MICU1: variants seen among roughly 807,000 people sequenced by gnomAD.
The protein encoded by MICU1 is calcium uptake protein 1, mitochondrial.
In MICU1, 45 loss-of-function variants were observed where a neutral mutation model predicts 56.8. That is an observed-to-expected ratio of 0.79 (90% CI 0.62 to 1.02). The LOEUF (loss-of-function observed/expected upper bound fraction) is 1.02. Among genes scored for constraint, MICU1 ranks in the 50% least tolerant of loss-of-function variants. MICU1 has a pLI of 0.00. For synonymous variants in MICU1, 186 were observed against 195.1 expected (o/e 0.95, Z 0.39); for missense variants, 504 against 587.1 (o/e 0.86, Z 1.46).
At chr10:72,519,496 T>C (rs7342140) in intron 5 of MICU1, among the ~76,000 whole-genome samples, 104,919 of 152,120 alleles carry the variant, frequency 0.69, 37,607 homozygotes, top group African/African-American at 0.84. Context: ...TGTGTAACTG[T>C]TACACTTCAC....
chr10:72,381,519 C>G (rs1038822242), intron 10 of MICU1, among the ~76,000 whole-genome samples: 1 of 152,144 alleles, frequency 6.6e-6, no homozygotes, highest in South Asian at 2.1e-4. Flanking sequence ...TTTAGGAGAA[C>G]TAGCAATTTA....
At chr10:72,548,360 G>T (rs778948799) in intron 4 of MICU1, among the ~76,000 whole-genome samples, 2 of 152,196 alleles carry the variant, frequency 1.3e-5, no homozygotes, top group African/African-American at 4.8e-5. Flanking sequence ...CAAACCAACT[G>T]TAACAGTTAT....
At chr10:72,467,840 C>T (rs1171068583) in intron 8 of MICU1, 1 of 143,630 alleles carries the variant, frequency 7.0e-6, no homozygotes, top group Non-Finnish European at 1.5e-5. Flanking sequence ...TTTTTTGAGA[C>T]AGAGTTTCGC....
intron 6 of MICU1, among the ~76,000 whole-genome samples, chr10:72,506,264 G>C (rs763580486): frequency 6.6e-6 from 1 of 152,158 alleles, no homozygotes; most frequent in Non-Finnish European, 1.5e-5. Context: ...GATGTACCAG[G>C]TACTCTGAAG....
In MICU1 at chr10:72,476,473, A is replaced by C. The variant is rs529323424; in HGVS notation, c.735+701T>G. Among the ~76,000 whole-genome samples the C allele has an allele frequency of 6.6e-5, 10 of 152,054 alleles. No individual in the cohort carries two copies. In the South Asian group the frequency reaches 1.9e-3, roughly 28 times the overall value. ...CAAACTAGCCTCAAGTGGTCCCCCA[A>C]CCGCCTCTGCCTCCCAAAGTGCTGG... On this transcript the variant is annotated intron_variant, in intron 7 of 11. Transcript: ENST00000361114.
chr10:72,401,631 G>A (rs1263954906), intron 10 of MICU1, among the ~76,000 whole-genome samples: 1 of 152,202 alleles, frequency 6.6e-6, no homozygotes, highest in African/African-American at 2.4e-5. Flanking sequence ...TACAGCCTGG[G>A]CAACAGAGTG....
intron 4 of MICU1, among the ~76,000 whole-genome samples, chr10:72,539,184 T>C (rs1839708160): frequency 6.6e-6 from 1 of 152,134 alleles, no homozygotes; most frequent in African/African-American, 2.4e-5. Context: ...GCAGATCATC[T>C]AGATAGAAAA....
At chr10:72,532,100 G>C (rs942408217) in intron 5 of MICU1, among the ~76,000 whole-genome samples, 5 of 151,850 alleles carry the variant, frequency 3.3e-5, no homozygotes, top group African/African-American at 1.2e-4. Context: ...GGCAGATCAC[G>C]AGGTCAGGAG....
intron 8 of MICU1, among the ~76,000 whole-genome samples, chr10:72,431,086 ATCTG>A (rs1236344733): frequency 0.017 from 2,265 of 136,842 alleles, 61 homozygotes; most frequent in African/African-American, 0.056. Context: ...ATATACCTTT[ATCTG>A]TCTGTCTATC....
chr10:72,369,332 G>GGA (rs929851932), intron 11 of MICU1, among the ~76,000 whole-genome samples: 2 of 151,614 alleles, frequency 1.3e-5, no homozygotes, highest in Admixed American at 1.3e-4. Flanking sequence ...GAGGTGGGCA[G>GGA]GAGACAGGTC....
intron 10 of MICU1, among the ~76,000 whole-genome samples, chr10:72,396,818 C>T (rs1381214498): frequency 6.6e-6 from 1 of 152,120 alleles, no homozygotes; most frequent in African/African-American, 2.4e-5. Flanking sequence ...ATTGATGTAC[C>T]TGAAAGTGAT....
chr10:72,420,410 C>T (rs192622857), intron 9 of MICU1, among the ~76,000 whole-genome samples: 13 of 152,266 alleles, frequency 8.5e-5, no homozygotes, highest in Non-Finnish European at 1.3e-4. Context: ...ATTGTGAGGC[C>T]TCCTCAGCCA....
At chr10:72,526,667 T>C (rs915050223) in intron 5 of MICU1, among the ~76,000 whole-genome samples, 2 of 152,252 alleles carry the variant, frequency 1.3e-5, no homozygotes, top group African/African-American at 4.8e-5. Flanking sequence ...AATGATGCTA[T>C]ATTTAACATA....
chr10:72,388,288 G>A lies in MICU1; in HGVS notation c.1181-12416C>T, dbSNP rs116368783. Among the ~76,000 whole-genome samples, 705 of 152,344 alleles carry A rather than the reference G, an allele frequency of 4.6e-3. 4 individuals carry two copies. The highest frequency in any genetic ancestry group is 0.016 in the African/African-American group (675 of 41,594). On this transcript the variant is annotated intron_variant, in intron 10 of 11. Transcript: ENST00000361114. ...CCTGTATTTTGATGTTGAGAAAAGC[G>A]CAGCTTAGCATACATGCCTTTTTCT...
At chr10:72,431,764 A>G (rs566014834) in intron 8 of MICU1, among the ~76,000 whole-genome samples, 18 of 152,294 alleles carry the variant, frequency 1.2e-4, no homozygotes, top group African/African-American at 4.1e-4. Flanking sequence ...AAACTATTTA[A>G]TGCTCCCAAT....
intron 5 of MICU1, among the ~76,000 whole-genome samples, chr10:72,529,367 A>G (rs1839411243): frequency 6.6e-6 from 1 of 152,114 alleles, no homozygotes; most frequent in African/African-American, 2.4e-5. Flanking sequence ...AAAGAAATAC[A>G]TGGTGGTATG....
intron 8 of MICU1, among the ~76,000 whole-genome samples, chr10:72,457,499 G>A (rs576818753): frequency 1.3e-5 from 2 of 151,898 alleles, no homozygotes; most frequent in Admixed American, 6.6e-5. Context: ...TGGGAATACA[G>A]GCATGAGCCA....
chr10:72,416,326 A>G (rs1442011445), intron 9 of MICU1, among the ~76,000 whole-genome samples: 2 of 152,308 alleles, frequency 1.3e-5, no homozygotes, highest in East Asian at 3.9e-4. Context: ...AACAAAAAGT[A>G]GAGTTCTAGT....
At chr10:72,500,303 T>TATATATATATATATA (rs1388516520) in intron 6 of MICU1, among the ~76,000 whole-genome samples, 1 of 4,770 alleles carries the variant, frequency 2.1e-4, no homozygotes, top group Admixed American at 2.9e-3. Context: ...TATATATATA[T>TATATATATATATATA]TTTTTTTTTT....
Sources: allele counts gnomAD v4.1 joint callset (sites outside exome capture counted in the v4.1 genomes callset), GRCh38; gene constraint gnomAD v4.1.1; transcripts MANE v1.5; gene names NCBI Gene and HGNC (gene_info 2026-07-23, HGNC 2026-07-21).